NR2C1: variants seen among roughly 807,000 people sequenced by gnomAD.
NR2C1 encodes the protein TR2 nuclear hormone receptor.
Under a neutral mutation model 74.8 loss-of-function variants are expected in NR2C1, and 33 were observed. The observed-to-expected ratio is 0.44, with a 90% CI of 0.33 to 0.59. The LOEUF (loss-of-function observed/expected upper bound fraction) is 0.59, where lower values mean the gene tolerates loss of function less well. Ranked by LOEUF, NR2C1 falls within the 20% of genes least tolerant of loss-of-function variation. The pLI, the probability that NR2C1 is intolerant of heterozygous loss-of-function variation, is 0.02. For synonymous variants in NR2C1, 225 were observed against 240.6 expected (o/e 0.94, Z 0.60); for missense variants, 568 against 715.6 (o/e 0.79, Z 2.35).
intron 6 of NR2C1, 31 bp downstream of exon 6, chr12:95,057,700 G>A (rs977184876): frequency 5.0e-6 from 8 of 1,612,540 alleles, no homozygotes; most frequent in Non-Finnish European, 6.8e-6. Context: ...AAAACAAAAT[G>A]ACCAGCTACT....
chr12:95,072,135 C>G (rs1254665523), intron 1 of NR2C1, among the ~76,000 whole-genome samples: 1 of 146,012 alleles, frequency 6.8e-6, no homozygotes, highest in Non-Finnish European at 1.5e-5. Flanking sequence ...AATCATCGGC[C>G]GGGCGCGGTG....
At chr12:95,058,036 A>G in intron 5 of NR2C1, 158 bp from the exon 6 acceptor site, 1 of 764,984 alleles carries the variant, frequency 1.3e-6, no homozygotes. Context: ...TGCAAGTTCA[A>G]CAAAGTTGCT....
chr12:95,069,559 T>C (rs534370473), intron 1 of NR2C1, among the ~76,000 whole-genome samples: 29 of 152,356 alleles, frequency 1.9e-4, no homozygotes, highest in African/African-American at 6.5e-4. Flanking sequence ...TTATACCATT[T>C]AGTTTTGTGT....
intron 4 of NR2C1, among the ~76,000 whole-genome samples, chr12:95,059,476 G>A (rs1874418111): frequency 6.6e-6 from 1 of 151,948 alleles, no homozygotes; most frequent in Non-Finnish European, 1.5e-5. Context: ...GGAGGCCAAG[G>A]AGGGGAGGGT....
intron 2 of NR2C1, 42 bp downstream of exon 2, chr12:95,067,289 A>G (rs777673045): frequency 3.9e-6 from 6 of 1,543,416 alleles, no homozygotes; most frequent in Non-Finnish European, 5.4e-6. Flanking sequence ...AGGAATTAGA[A>G]AAGTTTGGTG....
At chr12:95,045,999 C>G (rs1292753172) in intron 9 of NR2C1, among the ~76,000 whole-genome samples, 1 of 152,030 alleles carries the variant, frequency 6.6e-6, no homozygotes, top group Non-Finnish European at 1.5e-5. Context: ...ACCACTACGC[C>G]TGGCTAATTT....
At chr12:95,050,236 T>C (rs2136152762) in intron 8 of NR2C1, among the ~76,000 whole-genome samples, 1 of 152,160 alleles carries the variant, frequency 6.6e-6, no homozygotes, top group South Asian at 2.1e-4. Flanking sequence ...CCTCCTAGAG[T>C]TTCTTAAAAT....
chr12:95,049,957 G>A (rs1872763238), intron 8 of NR2C1, among the ~76,000 whole-genome samples: 1 of 152,008 alleles, frequency 6.6e-6, no homozygotes, highest in Admixed American at 6.6e-5. Context: ...GCACCACCAT[G>A]CTCAGCTAAT....
chr12:95,049,209 T>A lies in NR2C1; in HGVS notation c.990A>T (p.Ala330=). The A allele has an allele frequency of 1.2e-6, 2 of 1,614,092 alleles. No individual in the cohort carries two copies. Among genetic ancestry groups the A allele is most frequent in the Non-Finnish European group, 1.7e-6 (2 of 1,180,000 alleles). Reference sequence around the variant, plus strand: ...AGGCTGTGCTCTCTCCAGGATTCAATGCTTTTGCAAGAGTGTCAAATGCCC... The same window carrying A: ...AGGCTGTGCTCTCTCCAGGATTCAAAGCTTTTGCAAGAGTGTCAAATGCCC... The part of the protein sequence containing the change: ...VSRAFDTLAK[A]LNPGESTACQ... The change falls in exon 9 of 14, where the codon GCA becomes GCT. Residue 330 remains alanine, a synonymous_variant. Transcript: ENST00000333003.
At chr12:95,030,691 T>C (rs1371392734) in intron 11 of NR2C1, 3 of 1,601,940 alleles carry the variant, frequency 1.9e-6, no homozygotes, top group East Asian at 2.3e-5. Flanking sequence ...AGAAATAGAA[T>C]ATGCTAAAGA....
chr12:95,061,835 G>A (rs1874828515), intron 3 of NR2C1, among the ~76,000 whole-genome samples: 1 of 152,318 alleles, frequency 6.6e-6, no homozygotes, highest in Middle Eastern at 3.4e-3. Context: ...GGCATGTGGT[G>A]TATAAAAGTT....
In NR2C1 at chr12:95,058,477, C is replaced by A; in HGVS notation, c.377G>T (p.Gly126Val). 6.2e-7 allele frequency: 1 copy of A among 1,611,346 alleles called. No homozygotes were observed. The highest frequency in any genetic ancestry group is 1.1e-5 in the South Asian group (1 of 90,808). ...TTTGCAGCCTTCACAAGTTACTGCT[C>A]CATAATGACGTCCTAGAGAGAAAAT... Reference protein sequence around the residue: ...CGDKASGRHYGAVTCEGCKGF... With the variant: ...CGDKASGRHYVAVTCEGCKGF... Residue 126 changes from glycine (G) to valine (V), a missense_variant, in exon 5 of 14, where the codon GGA (glycine) becomes GTA (valine). Coordinates refer to ENST00000333003, the MANE Select transcript of NR2C1 (RefSeq NM_003297.4).
At chr12:95,065,810 C>T (rs1301505742) in intron 2 of NR2C1, among the ~76,000 whole-genome samples, 4 of 151,868 alleles carry the variant, frequency 2.6e-5, no homozygotes, top group Non-Finnish European at 2.9e-5. Context: ...TTTAGCTGGG[C>T]GTGGTGGCAG....
chr12:95,066,538 C>G lies in NR2C1; in HGVS notation c.54+793G>C, dbSNP rs182945558. On this transcript the variant is annotated intron_variant, in intron 2 of 13. Transcript: ENST00000333003. ...CCCTTTTCAAACTGTGAAAGTTGTT[C>G]GACACTACATCAACTCAACAAGTGG... Among the ~76,000 whole-genome samples, 157 of 151,960 alleles carry G rather than the reference C, an allele frequency of 1.0e-3. 1 individual carries two copies. The highest frequency in any genetic ancestry group is 3.7e-3 in the African/African-American group (153 of 41,354).
intron 9 of NR2C1, among the ~76,000 whole-genome samples, chr12:95,046,763 G>A (rs985057621): frequency 6.6e-6 from 1 of 152,086 alleles, no homozygotes; most frequent in Admixed American, 6.6e-5. Flanking sequence ...CAGATGTAAG[G>A]TCTTGAAACC....
At chr12:95,071,029 A>G (rs1876517340) in intron 1 of NR2C1, among the ~76,000 whole-genome samples, 1 of 152,084 alleles carries the variant, frequency 6.6e-6, no homozygotes, top group Non-Finnish European at 1.5e-5. Flanking sequence ...GTGAAACCCC[A>G]TCTCTACGAA....
At chr12:95,042,542 G>A (rs1435489672) in intron 9 of NR2C1, among the ~76,000 whole-genome samples, 1 of 151,916 alleles carries the variant, frequency 6.6e-6, no homozygotes, top group African/African-American at 2.4e-5. Flanking sequence ...CTAAAATACC[G>A]CACCTGGCCC....
At chr12:95,040,437 A>G in intron 10 of NR2C1, 39 bp downstream of exon 10, 1 of 1,574,258 alleles carries the variant, frequency 6.4e-7, no homozygotes, top group Non-Finnish European at 8.6e-7. Flanking sequence ...CATTTGCACT[A>G]CAAAATCACA....
chr12:95,045,297 G>A (rs1872170637), intron 9 of NR2C1, among the ~76,000 whole-genome samples: 1 of 152,116 alleles, frequency 6.6e-6, no homozygotes, highest in Admixed American at 6.5e-5. Context: ...AGAATGTGGA[G>A]GGCCCTAAAA....
Sources: gnomAD v4.1 joint callset for allele counts (sites outside exome capture counted in the v4.1 genomes callset) on GRCh38, gnomAD v4.1.1 for gene constraint, MANE v1.5 for transcripts, NCBI Gene and HGNC (gene_info 2026-07-23, HGNC 2026-07-21) for gene names.